Variants in TAS2R31 observed in about 807,000 individuals in gnomAD.
TAS2R31 encodes taste receptor type 2 member 31.
For synonymous variants in TAS2R31, 118 were observed against 131.4 expected, an observed-to-expected ratio of 0.90 and a Z score of 0.70; for missense variants, 352 against 347.4, an observed-to-expected ratio of 1.01 and a Z score of -0.10.
At position 11,030,955 on chromosome 12, in the gene TAS2R31, A is replaced by T; in HGVS notation, c.381T>A (p.Ser127Arg). 2 of 1,614,284 alleles carry T rather than the reference A, an allele frequency of 1.2e-6. No homozygotes were observed. Among genetic ancestry groups the T allele is most frequent in the Non-Finnish European group, 1.7e-6 (2 of 1,180,054 alleles). Residue 127 changes from serine (S) to arginine (R), a missense_variant, in exon 1 of 1, where the codon AGT becomes AGA. Transcript: ENST00000390675. ...IFLHLKRRVK[S>R]VILVMLLGPL... Reference sequence around the variant, plus strand: ...GCCCCAACAGCATCACCAGAATGACACTCTTAACTCTCCTCTTTAAGTGAA... The same window carrying T: ...GCCCCAACAGCATCACCAGAATGACTCTCTTAACTCTCCTCTTTAAGTGAA...
Position 11,031,241 on chromosome 12 carries a change from G to C in TAS2R31, c.95C>G (p.Ser32Cys). 1 of 1,614,052 alleles carries C rather than the reference G, an allele frequency of 6.2e-7. No homozygotes were observed. Among genetic ancestry groups the C allele is most frequent in the Non-Finnish European group, 8.5e-7 (1 of 1,179,946 alleles). Reference protein sequence around the residue: ...FANGFIALVNSIERVKRQKIS... With the variant: ...FANGFIALVNCIERVKRQKIS... ...CTTTTGTCTCTTGACCCGCTCAATG[G>C]AATTTACCAATGCTATGAAGCCATT... Residue 32 changes from serine (S) to cysteine (C), a missense_variant, in exon 1 of 1, where the codon TCC (serine) becomes TGC (cysteine). Ser to Cys is a moderately radical substitution (Grantham distance 112). Coordinates refer to ENST00000390675, the MANE Select transcript of TAS2R31 (RefSeq NM_176885.2).
At position 11,031,145 on chromosome 12, in the gene TAS2R31, A is replaced by G. The variant is rs1446173759; in HGVS notation, c.191T>C (p.Leu64Ser). The change falls in exon 1 of 1, where the codon TTA becomes TCA. Residue 64 changes from leucine to serine, a missense_variant. Leu to Ser is a moderately radical substitution (Grantham distance 145, BLOSUM62 -2). Coordinates refer to ENST00000390675, the MANE Select transcript of TAS2R31 (RefSeq NM_176885.2). ...SRVGLLWVLL[L>S]NWYSTVFNPA... is the part of the protein sequence containing the mutation. ...ATTAAACACAGTTGAATACCAATTTAATAATAATACCCAGAGCAAACCAAC... is the reference window on the plus strand; with the variant it reads ...ATTAAACACAGTTGAATACCAATTTGATAATAATACCCAGAGCAAACCAAC... 2 of 1,614,250 alleles carry G rather than the reference A, an allele frequency of 1.2e-6. No individual in the cohort carries two copies. Among genetic ancestry groups the G allele is most frequent in the Non-Finnish European group, 1.7e-6 (2 of 1,180,034 alleles).
Position 11,030,797 on chromosome 12 carries a change from G to T in TAS2R31, c.539C>A (p.Thr180Asn). 6.2e-7 allele frequency: 1 copy of T among 1,614,170 alleles called. No individual in the cohort carries two copies. Among genetic ancestry groups the T allele is most frequent in the Non-Finnish European group, 8.5e-7 (1 of 1,180,032 alleles). Residue 180 changes from threonine (T) to asparagine (N), a missense_variant, in exon 1 of 1, where the codon ACC becomes AAC. By Grantham distance (65) the Thr-to-Asn change is moderately conservative. Coordinates refer to ENST00000390675, the MANE Select transcript of TAS2R31 (RefSeq NM_176885.2). ...GAAGGGCACTAAGTTTCCTAGCGTG[G>T]TTACAGTCGCATCTGAAAGGTACAC... ...SAVYLSDATV[T>N]TLGNLVPFTL... is the part of the protein sequence containing the mutation.
At position 11,030,913 on chromosome 12, in the gene TAS2R31, A is replaced by G. The variant is rs12370363; in HGVS notation, c.423T>C (p.Ala141=). 357,309 of 1,608,534 alleles carry G rather than the reference A, an allele frequency of 0.22. 27,115 individuals carry two copies. Among genetic ancestry groups the G allele is most frequent in the Non-Finnish European group, 0.23 (268,943 of 1,175,968 alleles). Residue 141 remains alanine (A), a synonymous_variant, in exon 1 of 1, where the codon GCT becomes GCC. Transcript: ENST00000390675. ...TCATGTTTATCACAAAAAGTTGACA[A>G]GCCAAAAATAGTAAAGGCCCCAACA... ...VMLLGPLLFL[A]CQLFVINMKE... is the part of the protein sequence containing the mutation.
Position 11,031,086 on chromosome 12 carries a change from C to G in TAS2R31, c.250G>C (p.Ala84Pro), listed in dbSNP as rs1475052340. Residue 84 changes from alanine (A) to proline (P), a missense_variant, in exon 1 of 1, where the codon GCT (alanine) becomes CCT (proline). Physicochemically the swap from Ala to Pro is conservative, Grantham distance 27. Coordinates refer to ENST00000390675, the MANE Select transcript of TAS2R31 (RefSeq NM_176885.2). ...AFYSVEVRTT[A>P]YNVWAVTGHF... The stretch of plus-strand genomic sequence containing the variant: ...CCGGTTACTGCCCAGACATTATAAG[C>G]AGTAGTTCTTACTTCTACACTATAA... 1.2e-6 allele frequency: 2 copies of G among 1,614,288 alleles called. No homozygotes were observed. Among genetic ancestry groups the G allele is most frequent in the Non-Finnish European group, 8.5e-7 (1 of 1,180,058 alleles).
Position 11,030,745 on chromosome 12 carries a change from C to T in TAS2R31, c.591G>A (p.Leu197=), listed in dbSNP as rs1942156691. 2 of 1,614,178 alleles carry T rather than the reference C, an allele frequency of 1.2e-6. No individual in the cohort carries two copies. Among genetic ancestry groups the T allele is most frequent in the Non-Finnish European group, 1.7e-6 (2 of 1,180,038 alleles). ...PFTLTLLCFL[L]LICSLCKHLK... is the part of the protein sequence containing the mutation. ...GATGTTTACACAGAGAACAGATTAA[C>T]AGCAAAAAACATAGCAGGGTCAGAG... The change falls in exon 1 of 1, where the codon CTG becomes CTA. Residue 197 remains leucine (L), a synonymous_variant. Coordinates refer to ENST00000390675, the MANE Select transcript of TAS2R31 (RefSeq NM_176885.2).
chr12:11,031,357 T>C lies in TAS2R31; in HGVS notation c.-22A>G. The C allele has an allele frequency of 1.9e-6, 3 of 1,573,786 alleles. No individual in the cohort carries two copies. Among genetic ancestry groups the C allele is most frequent in the Non-Finnish European group, 2.6e-6 (3 of 1,150,874 alleles). On this transcript the variant is annotated 5_prime_UTR_variant, in exon 1 of 1. Transcript: ENST00000390675. ...TCATGTCTGAACAGACAAAAAAAAA[T>C]TGTTTTAATGCTGGTGTTGTGTCCG... is the stretch of plus-strand genomic sequence containing the variant.
Position 11,030,951 on chromosome 12 carries a change from T to G in TAS2R31, c.385A>C (p.Ile129Leu). Residue 129 changes from isoleucine (I) to leucine (L), a missense_variant, in exon 1 of 1, where the codon ATT becomes CTT. By Grantham distance (5) the Ile-to-Leu change is conservative. Coordinates refer to ENST00000390675, the MANE Select transcript of TAS2R31 (RefSeq NM_176885.2). ...AAAGGCCCCAACAGCATCACCAGAA[T>G]GACACTCTTAACTCTCCTCTTTAAG... is the stretch of plus-strand genomic sequence containing the variant. ...LHLKRRVKSV[I>L]LVMLLGPLLF... The G allele has an allele frequency of 6.2e-7, 1 of 1,614,282 alleles. No individual in the cohort carries two copies. The highest frequency in any genetic ancestry group is 8.5e-7 in the Non-Finnish European group (1 of 1,180,052).
In TAS2R31 at chr12:11,031,395, G is replaced by A; in HGVS notation, c.-60C>T. 1 of 1,574,956 alleles carries A rather than the reference G, an allele frequency of 6.3e-7. No homozygotes were observed. The highest frequency in any genetic ancestry group is 1.8e-5 in the Admixed American group (1 of 54,242). On this transcript the variant is annotated 5_prime_UTR_variant, in exon 1 of 1. Transcript: ENST00000390675. ...GGTGTTGTGTCCGGAGTTGGTTCCT[G>A]CAGGTGGGTTCGTGGTCTCCCTGAC...
In TAS2R31 at chr12:11,030,840, T is replaced by C; in HGVS notation, c.496A>G (p.Ile166Val). 1 of 1,614,196 alleles carries C rather than the reference T, an allele frequency of 6.2e-7. No homozygotes were observed. Among genetic ancestry groups the C allele is most frequent in the African/African-American group, 1.3e-5 (1 of 75,064 alleles). ...AGGTACACTGCACTCCTCAATTTGA[T>C]CTTCCAAGTCAAGTTTCCTTCATAT... ...KEYEGNLTWK[I>V]KLRSAVYLSD... Residue 166 changes from isoleucine (I) to valine (V), a missense_variant, in exon 1 of 1, where the codon ATC (isoleucine) becomes GTC (valine). Physicochemically the swap from Ile to Val is conservative, Grantham distance 29 (BLOSUM62 3). Coordinates refer to ENST00000390675, the MANE Select transcript of TAS2R31 (RefSeq NM_176885.2).
rs757620209 is a variant in TAS2R31 at position 11,030,486 on chromosome 12, T to C, written c.850A>G (p.Lys284Glu). 6.2e-6 allele frequency: 10 copies of C among 1,614,288 alleles called. No homozygotes were observed. Among genetic ancestry groups the C allele is most frequent in the Middle Eastern group, 1.6e-4 (1 of 6,062 alleles). ...IHPFILIWGN[K>E]KLKQTFLSVL... is the part of the protein sequence containing the mutation. ...GAAAGAAAAGTCTGCTTTAGCTTCT[T>C]GTTTCCCCAAATCAGGATGAATGGG... The change falls in exon 1 of 1, where the codon AAG becomes GAG. Residue 284 changes from lysine to glutamate, a missense_variant. Coordinates refer to ENST00000390675, the MANE Select transcript of TAS2R31 (RefSeq NM_176885.2).
Position 11,031,280 on chromosome 12 carries a change from A to G in TAS2R31, c.56T>C (p.Ile19Thr), listed in dbSNP as rs765111857. Residue 19 changes from isoleucine (I) to threonine (T), a missense_variant, in exon 1 of 1, where the codon ATT becomes ACT. Physicochemically the swap from Ile to Thr is moderately conservative, Grantham distance 89. Transcript: ENST00000390675. ...TATGAAGCCATTAGCAAAATTTCCAATAACAAATAGAACCACTACCACACT... is the reference window on the plus strand; with the variant it reads ...TATGAAGCCATTAGCAAAATTTCCAGTAACAAATAGAACCACTACCACACT... ...FSSVVVVLFV[I>T]GNFANGFIAL... is the part of the protein sequence containing the mutation. 2.1e-5 allele frequency: 34 copies of G among 1,613,890 alleles called. No homozygotes were observed. The Admixed American group carries it at 2.2e-4, about 10-fold the overall frequency.
chr12:11,031,071 C>T lies in TAS2R31; in HGVS notation c.265G>A (p.Ala89Thr), dbSNP rs1443587646. Residue 89 changes from alanine (A) to threonine (T), a missense_variant, in exon 1 of 1, where the codon GCA (alanine) becomes ACA (threonine). By Grantham distance (58) the Ala-to-Thr change is moderately conservative. Coordinates refer to ENST00000390675, the MANE Select transcript of TAS2R31 (RefSeq NM_176885.2). Reference sequence around the variant, plus strand: ...CAGTTGCTGAAATGGCCGGTTACTGCCCAGACATTATAAGCAGTAGTTCTT... The same window carrying T: ...CAGTTGCTGAAATGGCCGGTTACTGTCCAGACATTATAAGCAGTAGTTCTT... The part of the protein sequence containing the change: ...EVRTTAYNVW[A>T]VTGHFSNWLA... 6.2e-7 allele frequency: 1 copy of T among 1,614,288 alleles called. No individual in the cohort carries two copies. The highest frequency in any genetic ancestry group is 8.5e-7 in the Non-Finnish European group (1 of 1,180,058).
In TAS2R31 at chr12:11,031,259, A is replaced by T; in HGVS notation, c.77T>A (p.Phe26Tyr). The change falls in exon 1 of 1, where the codon TTC becomes TAC. Residue 26 changes from phenylalanine (F) to tyrosine (Y), a missense_variant. By Grantham distance (22) the Phe-to-Tyr change is conservative. Transcript: ENST00000390675. ...CTCAATGGAATTTACCAATGCTATGAAGCCATTAGCAAAATTTCCAATAAC... is the reference window on the plus strand; with the variant it reads ...CTCAATGGAATTTACCAATGCTATGTAGCCATTAGCAAAATTTCCAATAAC... ...LFVIGNFANG[F>Y]IALVNSIERV... 1 of 1,614,118 alleles carries T rather than the reference A, an allele frequency of 6.2e-7. No individual in the cohort carries two copies. The highest frequency in any genetic ancestry group is 8.5e-7 in the Non-Finnish European group (1 of 1,179,930).
In TAS2R31 at chr12:11,031,279, A is replaced by C; in HGVS notation, c.57T>G (p.Ile19Met). 1 of 1,613,984 alleles carries C rather than the reference A, an allele frequency of 6.2e-7. No homozygotes were observed. The highest frequency in any genetic ancestry group is 8.5e-7 in the Non-Finnish European group (1 of 1,179,892). ...FSSVVVVLFV[I>M]GNFANGFIAL... ...CTATGAAGCCATTAGCAAAATTTCC[A>C]ATAACAAATAGAACCACTACCACAC... The change falls in exon 1 of 1, where the codon ATT becomes ATG. Residue 19 changes from isoleucine to methionine, a missense_variant. Coordinates refer to ENST00000390675, the MANE Select transcript of TAS2R31 (RefSeq NM_176885.2).
chr12:11,030,593 G>C, the TAS2R31 span: 1 of 1,614,230 alleles, frequency 6.2e-7, no homozygotes, highest in South Asian at 1.1e-5. Flanking sequence ...ACTCCAAACT[G>C]ATATCATTAT....
chr12:11,031,305 T>G lies in TAS2R31; in HGVS notation c.31A>C (p.Ser11Arg), dbSNP rs1243953720. Residue 11 changes from serine (S) to arginine (R), a missense_variant, in exon 1 of 1, where the codon AGT (serine) becomes CGT (arginine). By Grantham distance (110) the Ser-to-Arg change is moderately radical. Transcript: ENST00000390675. Reference protein sequence around the residue: MTTFIPIIFSSVVVVLFVIGN... With the variant: MTTFIPIIFSRVVVVLFVIGN... ...ATAACAAATAGAACCACTACCACACTGGAAAAAATGATGGGTATAAAAGTT... is the reference window on the plus strand; with the variant it reads ...ATAACAAATAGAACCACTACCACACGGGAAAAAATGATGGGTATAAAAGTT... The G allele has an allele frequency of 1.6e-5, 26 of 1,612,182 alleles. No individual in the cohort carries two copies. Among genetic ancestry groups the G allele is most frequent in the Non-Finnish European group, 2.2e-5 (26 of 1,179,404 alleles).
In TAS2R31 at chr12:11,031,166, C is replaced by G; in HGVS notation, c.170G>C (p.Gly57Ala). The change falls in exon 1 of 1, where the codon GGT becomes GCT. Residue 57 changes from glycine (G) to alanine (A), a missense_variant. Coordinates refer to ENST00000390675, the MANE Select transcript of TAS2R31 (RefSeq NM_176885.2). ...ATTTAATAATAATACCCAGAGCAAA[C>G]CAACTCTGGAGACCGCCAGAGCAGT... The part of the protein sequence containing the change: ...ILTALAVSRV[G>A]LLWVLLLNWY... The G allele has an allele frequency of 8.7e-6, 14 of 1,614,194 alleles. No individual in the cohort carries two copies. Among genetic ancestry groups the G allele is most frequent in the Non-Finnish European group, 1.2e-5 (14 of 1,180,026 alleles).
rs1203144297 is a variant in TAS2R31 at position 11,031,202 on chromosome 12, T to C, written c.134A>G (p.Asp45Gly). 2.5e-6 allele frequency: 4 copies of C among 1,614,038 alleles called. No individual in the cohort carries two copies. Among genetic ancestry groups the C allele is most frequent in the East Asian group, 4.5e-5 (2 of 44,892 alleles). ...GACCGCCAGAGCAGTGAGAATCTGG[T>C]CAGCAAAAGAGATCTTTTGTCTCTT... is the stretch of plus-strand genomic sequence containing the variant. ...RVKRQKISFA[D>G]QILTALAVSR... The change falls in exon 1 of 1, where the codon GAC becomes GGC. Residue 45 changes from aspartate (D) to glycine (G), a missense_variant. By Grantham distance (94) the Asp-to-Gly change is moderately conservative (BLOSUM62 -1). Transcript: ENST00000390675.
Sources: gnomAD v4.1 joint callset for allele counts on GRCh38, gnomAD v4.1.1 for gene constraint, MANE v1.5 for transcripts, NCBI Gene and HGNC (gene_info 2026-07-23, HGNC 2026-07-21) for gene names.